Variants in NPAS3 observed in about 807,000 individuals in gnomAD.
NPAS3 encodes neuronal PAS domain protein 3.
Under a neutral mutation model 73.1 loss-of-function variants are expected in NPAS3, and 14 were observed. The observed-to-expected ratio is 0.19, with a 90% CI of 0.13 to 0.30. NPAS3 has a LOEUF of 0.30. Among genes scored for constraint, NPAS3 ranks in the 10% least tolerant of loss-of-function variants. The pLI is 1.00. For missense variants in NPAS3, 1,096 were observed against 1,250.0 expected (o/e 0.88, Z 1.86); for synonymous variants, 620 against 541.5 (o/e 1.14, Z -2.01).
At chr14:33,020,160 C>T (rs2039541339) in intron 1 of NPAS3, among the ~76,000 whole-genome samples, 1 of 152,110 alleles carries the variant, frequency 6.6e-6, no homozygotes, top group South Asian at 2.1e-4. Flanking sequence ...ATATCTAGTA[C>T]AGAGTAAAAC....
chr14:33,616,847 C>T (rs774560791), intron 5 of NPAS3, among the ~76,000 whole-genome samples: 1 of 152,132 alleles, frequency 6.6e-6, no homozygotes. Flanking sequence ...CTGACTTGTC[C>T]TCTGTCAGCC....
At chr14:33,506,889 CCTT>C (rs1286367648) in intron 4 of NPAS3, among the ~76,000 whole-genome samples, 4 of 151,986 alleles carry the variant, frequency 2.6e-5, no homozygotes, top group African/African-American at 7.2e-5. Context: ...TTATTTCACT[CCTT>C]CTTGACTTTT....
intron 2 of NPAS3, among the ~76,000 whole-genome samples, chr14:33,165,683 T>C (rs2045108404): frequency 6.6e-6 from 1 of 152,178 alleles, no homozygotes. Context: ...TTTTTTTGCT[T>C]AGTTTAAAAC....
chr14:33,761,645 T>C (rs2062294543), intron 7 of NPAS3, among the ~76,000 whole-genome samples: 1 of 152,138 alleles, frequency 6.6e-6, no homozygotes, highest in African/African-American at 2.4e-5. Context: ...AGGGATAAAT[T>C]TGAAATGTGG....
chr14:33,309,411 A>G (rs558934304), intron 3 of NPAS3, among the ~76,000 whole-genome samples: 4 of 152,324 alleles, frequency 2.6e-5, no homozygotes, highest in African/African-American at 9.6e-5. Context: ...TCTGGTTTAT[A>G]TTTAATGCTG....
chr14:32,993,353 GA>G (rs2038416054), intron 1 of NPAS3, among the ~76,000 whole-genome samples: 1 of 152,078 alleles, frequency 6.6e-6, no homozygotes, highest in African/African-American at 2.4e-5. Flanking sequence ...AAGGAAATAT[GA>G]AATAAACTTT....
At chr14:33,059,045 T>C (rs1385977102) in intron 2 of NPAS3, among the ~76,000 whole-genome samples, 1 of 152,190 alleles carries the variant, frequency 6.6e-6, no homozygotes, top group Non-Finnish European at 1.5e-5. Context: ...CTTTCTCACT[T>C]TGTTAGTTCT....
intron 2 of NPAS3, among the ~76,000 whole-genome samples, chr14:33,060,226 G>A (rs760040843): frequency 1.1e-4 from 17 of 152,176 alleles, no homozygotes; most frequent in Non-Finnish European, 2.1e-4. Flanking sequence ...GGTGTTTGTA[G>A]CTTCAAAACT....
At chr14:33,556,872 T>G (rs1204296063) in intron 4 of NPAS3, among the ~76,000 whole-genome samples, 1 of 152,212 alleles carries the variant, frequency 6.6e-6, no homozygotes, top group Non-Finnish European at 1.5e-5. Flanking sequence ...TCCTTGGAAG[T>G]TCTCCTGTGA....
chr14:33,012,695 C>T lies in NPAS3; in HGVS notation c.51-43210C>T, dbSNP rs977558208. On this transcript the variant is annotated intron_variant, in intron 1 of 11. Transcript: ENST00000356141. ...TCCCAAGTAGCTGGGATTACAGGCG[C>T]CCGCCACCACACATGGCTAATTTTT... Among the ~76,000 whole-genome samples the T allele has an allele frequency of 2.6e-5, 4 of 152,104 alleles. No homozygotes were observed. In the East Asian group the frequency reaches 7.8e-4, roughly 30 times the overall value.
At chr14:33,746,199 A>ATTTATTTTT (rs571026434) in intron 7 of NPAS3, among the ~76,000 whole-genome samples, 7 of 148,934 alleles carry the variant, frequency 4.7e-5, no homozygotes, top group African/African-American at 1.8e-4. Context: ...TTATTTATTT[A>ATTTATTTTT]TTTTTTTGAG....
intron 4 of NPAS3, among the ~76,000 whole-genome samples, chr14:33,524,209 C>T (rs1197101327): frequency 6.6e-6 from 1 of 152,160 alleles, no homozygotes; most frequent in Non-Finnish European, 1.5e-5. Flanking sequence ...CCCTCTACAA[C>T]TGCATCCTGT....
rs191213493 is a variant in NPAS3 at position 33,378,665 on chromosome 14, T to G, written c.468+11397T>G. Among the ~76,000 whole-genome samples, 334 of 152,098 alleles carry G rather than the reference T, an allele frequency of 2.2e-3. 3 individuals carry two copies. The highest frequency in any genetic ancestry group is 0.01 in the Middle Eastern group (3 of 294). Reference sequence around the variant, plus strand: ...AAAATAAATAAAATAAAAAATAAATTTGGTGTTTATGTGGAAGTCCCCTGA... The same window carrying G: ...AAAATAAATAAAATAAAAAATAAATGTGGTGTTTATGTGGAAGTCCCCTGA... On this transcript the variant is annotated intron_variant, in intron 4 of 11. Transcript: ENST00000356141.
intron 4 of NPAS3, among the ~76,000 whole-genome samples, chr14:33,394,512 T>A (rs1481749036): frequency 6.6e-6 from 1 of 152,176 alleles, no homozygotes; most frequent in Non-Finnish European, 1.5e-5. Context: ...TTATAGCCCC[T>A]GGCTTGTCCT....
chr14:33,693,115 C>A (rs2060278442), intron 6 of NPAS3, among the ~76,000 whole-genome samples: 1 of 152,130 alleles, frequency 6.6e-6, no homozygotes, highest in Non-Finnish European at 1.5e-5. Context: ...GGAATTATAT[C>A]CATCCTTCAA....
chr14:33,773,885 T>C (rs934966982), intron 7 of NPAS3, among the ~76,000 whole-genome samples: 12 of 152,150 alleles, frequency 7.9e-5, no homozygotes, highest in African/African-American at 2.9e-4. Context: ...CCTTTTACAA[T>C]ATCAACCCCT....
chr14:33,735,748 A>C (rs2140651762), intron 7 of NPAS3, among the ~76,000 whole-genome samples: 1 of 151,802 alleles, frequency 6.6e-6, no homozygotes, highest in East Asian at 1.9e-4. Flanking sequence ...TGTCCGTTTT[A>C]ATAACATCTT....
At chr14:33,465,859 A>T (rs980239687) in intron 4 of NPAS3, among the ~76,000 whole-genome samples, 2 of 152,180 alleles carry the variant, frequency 1.3e-5, no homozygotes, top group African/African-American at 4.8e-5. Context: ...AGCCACCTCA[A>T]ATCATTTGTG....
rs563692815 is a variant in NPAS3, at chr14:33,579,888, A to G, written c.558+19678A>G. On this transcript the variant is annotated intron_variant, in intron 5 of 11. Coordinates refer to ENST00000356141, the Ensembl canonical transcript of NPAS3. ...TCAAGCAGAAATACAGATGTTTGAA[A>G]GCATCTGGATGTTTGGTATCTTGTA... Among the ~76,000 whole-genome samples, 3 of 152,328 alleles carry G rather than the reference A, an allele frequency of 2.0e-5. No individual in the cohort carries two copies. The East Asian group carries it at 5.8e-4, about 29-fold the overall frequency.
Sources: gnomAD v4.1 joint callset for allele counts (sites outside exome capture counted in the v4.1 genomes callset) on GRCh38, gnomAD v4.1.1 for gene constraint, MANE v1.5 for transcripts, NCBI Gene and HGNC (gene_info 2026-07-23, HGNC 2026-07-21) for gene names.